Variants in ARNT2 observed in about 807,000 individuals in gnomAD.
ARNT2 encodes aryl hydrocarbon receptor nuclear translocator 2.
Under a neutral mutation model 91.7 loss-of-function variants are expected in ARNT2, and 36 were observed. The ratio of observed to expected loss-of-function variants is 0.39; its 90% CI spans 0.30 to 0.52. The LOEUF (loss-of-function observed/expected upper bound fraction) is 0.52, where lower values mean the gene tolerates loss of function less well. Among genes scored for constraint, ARNT2 ranks in the 20% least tolerant of loss-of-function variants. The pLI is 0.72. For missense variants in ARNT2, 775 were observed against 939.3 expected, an observed-to-expected ratio of 0.83 and a Z score of 2.29; for synonymous variants, 365 against 347.1, an observed-to-expected ratio of 1.05 and a Z score of -0.57.
At position 80,531,935 on chromosome 15, in the gene ARNT2, C is replaced by T. The variant is rs117665589; in HGVS notation, c.877+17530C>T. ...ACCACAGCCCACACCCCGCAAAGGA[C>T]GCCTGCAGCAGGACAGAGCTCAGCC... On this transcript the variant is annotated intron_variant, in intron 8 of 18. Transcript: ENST00000303329. Among the ~76,000 whole-genome samples, 173 of 152,288 alleles carry T rather than the reference C, an allele frequency of 1.1e-3. 2 individuals carry two copies. The East Asian group carries it at 0.028, about 25-fold the overall frequency.
chr15:80,475,276 T>C (rs773569806), intron 5 of ARNT2, 53 bp downstream of exon 5: 1 of 1,584,944 alleles, frequency 6.3e-7, no homozygotes. Flanking sequence ...CATTCTTGGC[T>C]GGGCATGGTG....
chr15:80,487,663 C>T (rs1253677247), intron 5 of ARNT2: 1 of 152,252 alleles, frequency 6.6e-6, no homozygotes, highest in Non-Finnish European at 1.5e-5. Flanking sequence ...CCTTTATAAT[C>T]GGACCCTGAA....
In ARNT2 at chr15:80,470,582, A is replaced by C. The variant is rs536941530; in HGVS notation, c.408+151A>C. 1,303 of 914,774 alleles carry C rather than the reference A, an allele frequency of 1.4e-3. 4 individuals are homozygous for C. The highest frequency in any genetic ancestry group is 1.9e-3 in the Non-Finnish European group (1,188 of 620,700). The allele number at this position is 914,774 out of a possible 1,614,324, so 56.7% of individuals were successfully genotyped here. A position where few individuals can be genotyped will look rare whatever the true frequency, so the allele number is the denominator to read the frequency against. On this transcript the variant is annotated intron_variant, in intron 4 of 18. Transcript: ENST00000303329. ...CATTTTTCTCCAAGAAGCTGTCTTC[A>C]AAAGAGGGTTTGTCTGATCTTTGGG...
At chr15:80,458,076 A>G in intron 3 of ARNT2, 100 bp downstream of exon 3, 1 of 1,308,576 alleles carries the variant, frequency 7.6e-7, no homozygotes, top group Non-Finnish European at 1.1e-6. Context: ...TGCAAAAGCC[A>G]TTGCCTGCAG....
intron 15 of ARNT2, among the ~76,000 whole-genome samples, chr15:80,577,592 C>T (rs1419205193): frequency 6.6e-6 from 1 of 152,182 alleles, no homozygotes; most frequent in Non-Finnish European, 1.5e-5. Context: ...GGTATGTGGG[C>T]ACTCACCTGT....
At position 80,513,992 on chromosome 15, in the gene ARNT2, G is replaced by T. The variant is rs576954819; in HGVS notation, c.791+16G>T. On this transcript the variant is annotated intron_variant, in intron 7 of 18. Coordinates refer to ENST00000303329, the MANE Select transcript of ARNT2 (RefSeq NM_014862.4). Reference sequence around the variant, plus strand: ...AAAGGTTCAGGTCAGTATCTCTTCCGATGTATATTTTGGGACTGTTCTGGT... The same window carrying T: ...AAAGGTTCAGGTCAGTATCTCTTCCTATGTATATTTTGGGACTGTTCTGGT... The T allele has an allele frequency of 3.1e-6, 5 of 1,605,288 alleles. No homozygotes were observed. In the African/African-American group the frequency reaches 6.7e-5, roughly 21 times the overall value.
At chr15:80,526,641 T>C (rs1397017622) in intron 8 of ARNT2, among the ~76,000 whole-genome samples, 4 of 152,146 alleles carry the variant, frequency 2.6e-5, no homozygotes, top group African/African-American at 9.7e-5. Flanking sequence ...GAGGTTCGGG[T>C]GTTGGCTCCC....
intron 1 of ARNT2, among the ~76,000 whole-genome samples, chr15:80,423,222 C>T (rs936306047): frequency 6.6e-6 from 1 of 152,166 alleles, no homozygotes. Context: ...CACCTAATGG[C>T]GTCTGTGCCC....
In ARNT2 at chr15:80,450,927, A is replaced by G; in HGVS notation, c.79A>G (p.Met27Val). 1.2e-6 allele frequency: 2 copies of G among 1,614,192 alleles called. No homozygotes were observed. Among genetic ancestry groups the G allele is most frequent in the Non-Finnish European group, 1.7e-6 (2 of 1,180,030 alleles). The change falls in exon 2 of 19, where the codon ATG becomes GTG. Residue 27 changes from methionine (M) to valine (V), a missense_variant. Met to Val is a conservative substitution (Grantham distance 21). Transcript: ENST00000303329. ...PGSVTLPVAP[M>V]AATGQVRMAG... ...ATCTGTGACGTTGCCCGTTGCCCCCATGGCGGCCACCGGACAGGTGAGGAT... is the reference window on the plus strand; with the variant it reads ...ATCTGTGACGTTGCCCGTTGCCCCCGTGGCGGCCACCGGACAGGTGAGGAT...
At chr15:80,486,804 CA>C in intron 5 of ARNT2, among the ~76,000 whole-genome samples, 1 of 152,300 alleles carries the variant, frequency 6.6e-6, no homozygotes, top group South Asian at 2.1e-4. Flanking sequence ...AGCAGAGGTA[CA>C]GCCCTAGGAA....
intron 8 of ARNT2, among the ~76,000 whole-genome samples, chr15:80,527,378 C>G (rs1384269128): frequency 6.6e-6 from 1 of 152,170 alleles, no homozygotes; most frequent in East Asian, 1.9e-4. Context: ...AGTACCAAGA[C>G]TGGCTTTTCC....
At chr15:80,571,320 G>T (rs1171877584) in intron 12 of ARNT2, among the ~76,000 whole-genome samples, 1 of 152,228 alleles carries the variant, frequency 6.6e-6, no homozygotes, top group African/African-American at 2.4e-5. Flanking sequence ...CAGATCACTT[G>T]TGTGCATTTG....
At chr15:80,454,577 T>C (rs1166977559) in intron 2 of ARNT2, among the ~76,000 whole-genome samples, 1 of 152,240 alleles carries the variant, frequency 6.6e-6, no homozygotes, top group African/African-American at 2.4e-5. Context: ...TGAACTTTTA[T>C]GTGCTAGCAT....
chr15:80,593,551 G>A lies in ARNT2; in HGVS notation c.2056-49G>A, dbSNP rs376638979. The A allele has an allele frequency of 2.4e-5, 34 of 1,446,622 alleles. No homozygotes were observed. In the African/African-American group the frequency reaches 3.7e-4, roughly 16 times the overall value. 89.6% of individuals were successfully genotyped at this position (1,446,622 alleles called of 1,614,324 possible). ...GGCTCCTGGGACATGCCCAGTGCACGGACAGAGGAGCTGACTCCCCTGTGG... is the reference window on the plus strand; with the variant it reads ...GGCTCCTGGGACATGCCCAGTGCACAGACAGAGGAGCTGACTCCCCTGTGG... On this transcript the variant is annotated intron_variant, in intron 18 of 18. Transcript: ENST00000303329.
chr15:80,460,154 G>C (rs998739065), intron 3 of ARNT2, among the ~76,000 whole-genome samples: 2 of 152,196 alleles, frequency 1.3e-5, no homozygotes, highest in African/African-American at 4.8e-5. Context: ...ACCGTAGTTT[G>C]CTGACTCAGA....
Position 80,561,872 on chromosome 15 carries a change from C to T in ARNT2, c.1165-1216C>T, listed in dbSNP as rs183497785. 1.6e-4 allele frequency among the ~76,000 whole-genome samples: 25 copies of T among 152,276 alleles called. 1 individual carries two copies. In the East Asian group the frequency reaches 4.0e-3, roughly 25 times the overall value. The stretch of plus-strand genomic sequence containing the variant: ...GAATAGTGATGCTGGCATATTGGTA[C>T]AATTGTTCTATTTTATTATGAGTTG... On this transcript the variant is annotated intron_variant, in intron 11 of 18. Transcript: ENST00000303329.
intron 7 of ARNT2, 134 bp from the exon 8 acceptor site, chr15:80,514,186 G>T: frequency 2.0e-6 from 2 of 1,010,136 alleles, no homozygotes; most frequent in South Asian, 1.4e-5. Flanking sequence ...AAGGAACACA[G>T]GATGGTGAGG....
intron 12 of ARNT2, among the ~76,000 whole-genome samples, chr15:80,567,813 T>C (rs879496429): frequency 6.6e-6 from 1 of 152,118 alleles, no homozygotes; most frequent in Non-Finnish European, 1.5e-5. Context: ...GGTCCTACAC[T>C]GGTGAAGTTG....
chr15:80,590,108 T>C (rs1893250180), intron 17 of ARNT2, among the ~76,000 whole-genome samples: 1 of 152,164 alleles, frequency 6.6e-6, no homozygotes, highest in Non-Finnish European at 1.5e-5. Context: ...CCCTGAACAC[T>C]TTCTAACCTG....
Sources: gnomAD v4.1 joint callset for allele counts (sites outside exome capture counted in the v4.1 genomes callset) on GRCh38, gnomAD v4.1.1 for gene constraint, MANE v1.5 for transcripts, NCBI Gene and HGNC (gene_info 2026-07-23, HGNC 2026-07-21) for gene names.